SPATA16: variants seen among roughly 807,000 people sequenced by gnomAD.
SPATA16 encodes the protein spermatogenesis associated 16.
Under a neutral mutation model 63.3 loss-of-function variants are expected in SPATA16, and 36 were observed. The observed-to-expected ratio is 0.57, with a 90% confidence interval of 0.44 to 0.75. The LOEUF (loss-of-function observed/expected upper bound fraction) is 0.75. Among genes scored for constraint, SPATA16 ranks in the 30% least tolerant of loss-of-function variants. SPATA16 has a pLI of 0.00. For missense variants in SPATA16, 646 were observed against 679.3 expected (o/e 0.95, Z 0.54); for synonymous variants, 203 against 216.7 (o/e 0.94, Z 0.56).
At position 172,957,553 on chromosome 3, in the gene SPATA16, C is replaced by T. The variant is rs75392506; in HGVS notation, c.934-729G>A. Among the ~76,000 whole-genome samples the T allele has an allele frequency of 3.6e-3, 552 of 152,256 alleles. 3 individuals are homozygous for T. Among genetic ancestry groups the T allele is most frequent in the African/African-American group, 0.013 (539 of 41,540 alleles). On this transcript the variant is annotated intron_variant, in intron 5 of 10. Transcript: ENST00000351008. ...GTTTTAAGAGGAACTTACTCCTTTCCTACAACTTTTCCTTCTAATGAGGCT... is the reference window on the plus strand; with the variant it reads ...GTTTTAAGAGGAACTTACTCCTTTCTTACAACTTTTCCTTCTAATGAGGCT...
Position 173,117,624 on chromosome 3 carries a change from G to T in SPATA16, c.108C>A (p.His36Gln). ...GTGACATTTCCAGGATGTTAGGTGG[G>T]TGCGCTAAGGTGGACATTTTCTTGC... ...NTSKKMSTLAHPPNILEMSQE... is the reference protein window; with the variant it reads ...NTSKKMSTLAQPPNILEMSQE... Residue 36 changes from histidine (H) to glutamine (Q), a missense_variant, in exon 2 of 11, where the codon CAC becomes CAA. His to Gln is a conservative substitution (Grantham distance 24). Coordinates refer to ENST00000351008, the MANE Select transcript of SPATA16 (RefSeq NM_031955.6). 5 of 1,613,868 alleles carry T rather than the reference G, an allele frequency of 3.1e-6. No homozygotes were observed. The highest frequency in any genetic ancestry group is 4.2e-6 in the Non-Finnish European group (5 of 1,179,868).
chr3:173,073,071 A>G (rs1186250782), intron 2 of SPATA16, among the ~76,000 whole-genome samples: 1 of 152,188 alleles, frequency 6.6e-6, no homozygotes, highest in African/African-American at 2.4e-5. Context: ...TCTACTCCAG[A>G]GATATGTGGA....
At chr3:172,961,018 T>C (rs1733754070) in intron 5 of SPATA16, among the ~76,000 whole-genome samples, 1 of 52,490 alleles carries the variant, frequency 1.9e-5, no homozygotes, top group Non-Finnish European at 5.3e-5. Flanking sequence ...TTCTTTCTTT[T>C]TCTCTCTTTC....
intron 2 of SPATA16, among the ~76,000 whole-genome samples, chr3:173,110,426 G>GAAATTGTT (rs1227233550): frequency 6.6e-6 from 1 of 152,156 alleles, no homozygotes; most frequent in Non-Finnish European, 1.5e-5. Context: ...AAGAAGACTA[G>GAAATTGTT]AAATTGTTAA....
chr3:172,915,824 T>C (rs1006306762), intron 9 of SPATA16, among the ~76,000 whole-genome samples: 1 of 152,196 alleles, frequency 6.6e-6, no homozygotes, highest in South Asian at 2.1e-4. Context: ...AATAAACAGC[T>C]TTTGTTGATT....
At chr3:173,099,443 G>A (rs1737437942) in intron 2 of SPATA16, among the ~76,000 whole-genome samples, 1 of 152,026 alleles carries the variant, frequency 6.6e-6, no homozygotes, top group African/African-American at 2.4e-5. Context: ...TATAGAATTT[G>A]GTACTATCCA....
chr3:172,951,367 C>CT (rs1733426280), intron 6 of SPATA16, among the ~76,000 whole-genome samples: 1 of 152,096 alleles, frequency 6.6e-6, no homozygotes, highest in African/African-American at 2.4e-5. Context: ...AATTTTAACT[C>CT]TCCCTCATCA....
chr3:172,955,641 C>T (rs991811814), intron 6 of SPATA16, among the ~76,000 whole-genome samples: 2 of 152,004 alleles, frequency 1.3e-5, no homozygotes, highest in African/African-American at 2.4e-5. Flanking sequence ...CCTTGAAGAG[C>T]GTGAGGGAAT....
At chr3:172,973,071 G>A (rs1013108744) in intron 5 of SPATA16, among the ~76,000 whole-genome samples, 5 of 152,140 alleles carry the variant, frequency 3.3e-5, no homozygotes, top group African/African-American at 4.8e-5. Context: ...GATTTTACCC[G>A]TTATTGACAT....
intron 3 of SPATA16, among the ~76,000 whole-genome samples, chr3:173,026,033 C>T (rs1735445170): frequency 6.6e-6 from 1 of 152,022 alleles, no homozygotes; most frequent in Admixed American, 6.6e-5. Context: ...CCTGCATTCT[C>T]TCCAGCAATG....
chr3:173,037,264 T>C (rs1009232714), intron 3 of SPATA16, among the ~76,000 whole-genome samples: 1 of 152,028 alleles, frequency 6.6e-6, no homozygotes, highest in Non-Finnish European at 1.5e-5. Context: ...GGGTACTACA[T>C]GTGACTTCTC....
chr3:172,919,666 A>AT (rs530642322), intron 8 of SPATA16, among the ~76,000 whole-genome samples: 6 of 151,648 alleles, frequency 4.0e-5, no homozygotes, highest in Non-Finnish European at 8.8e-5. Context: ...GTTCATTTTA[A>AT]TTTTTTTTAA....
At position 172,976,950 on chromosome 3, in the gene SPATA16, T is replaced by C; in HGVS notation, c.933+18A>G. 1 of 1,606,054 alleles carries C rather than the reference T, an allele frequency of 6.2e-7. No individual in the cohort carries two copies. The highest frequency in any genetic ancestry group is 8.5e-7 in the Non-Finnish European group (1 of 1,173,810). On this transcript the variant is annotated intron_variant, in intron 5 of 10. Coordinates refer to ENST00000351008, the MANE Select transcript of SPATA16 (RefSeq NM_031955.6). ...ATGAGATGGGTTTCTCCTCCCTAGT[T>C]GGGACATCAATTTTTACCTGCCAAT...
chr3:172,916,528 A>C (rs532652091), intron 8 of SPATA16, 47 bp from the exon 9 acceptor site: 2 of 1,603,864 alleles, frequency 1.2e-6, no homozygotes, highest in East Asian at 2.2e-5. Flanking sequence ...CCACGGAAAT[A>C]GACCTCTCCC....
intron 2 of SPATA16, among the ~76,000 whole-genome samples, chr3:173,062,285 C>A (rs1049530763): frequency 2.6e-5 from 4 of 152,004 alleles, no homozygotes; most frequent in South Asian, 2.1e-4. Flanking sequence ...AAATAATAAA[C>A]CTTCTTCCCT....
chr3:173,032,073 G>T (rs1735619195), intron 3 of SPATA16, among the ~76,000 whole-genome samples: 1 of 152,028 alleles, frequency 6.6e-6, no homozygotes, highest in Non-Finnish European at 1.5e-5. Context: ...ATAACAACAA[G>T]AAATCATTCT....
chr3:172,909,553 G>A (rs1732315578), intron 10 of SPATA16, among the ~76,000 whole-genome samples: 1 of 152,158 alleles, frequency 6.6e-6, no homozygotes, highest in Non-Finnish European at 1.5e-5. Flanking sequence ...GCCACGGTTA[G>A]GTACTCCAGT....
At chr3:173,056,705 CAAAAAAAAAAA>C (rs71162325) in intron 2 of SPATA16, among the ~76,000 whole-genome samples, 3 of 73,616 alleles carry the variant, frequency 4.1e-5, no homozygotes, top group Non-Finnish European at 4.9e-5. Flanking sequence ...ACTCTTGTTT[CAAAAAAAAAAA>C]AAAAAAAAAA....
At chr3:173,015,214 C>T (rs1735154505) in intron 4 of SPATA16, among the ~76,000 whole-genome samples, 1 of 152,044 alleles carries the variant, frequency 6.6e-6, no homozygotes, top group African/African-American at 2.4e-5. Context: ...CAGGTGTCTG[C>T]CAGCATGCCT....
Sources: gnomAD v4.1 joint callset for allele counts (sites outside exome capture counted in the v4.1 genomes callset) on GRCh38, gnomAD v4.1.1 for gene constraint, MANE v1.5 for transcripts, NCBI Gene and HGNC (gene_info 2026-07-23, HGNC 2026-07-21) for gene names.